SV2C: variants seen among roughly 807,000 people sequenced by gnomAD.
SV2C encodes solute carrier family 22 member B3.
Under a neutral mutation model 79.7 loss-of-function variants are expected in SV2C, and 49 were observed. The ratio of observed to expected loss-of-function variants is 0.61; its 90% confidence interval spans 0.49 to 0.78. The LOEUF (loss-of-function observed/expected upper bound fraction) is 0.78. SV2C is among the 30% of genes least tolerant of loss of function. The probability of loss-of-function intolerance (pLI) is 0.00; values close to 1 mark genes in which losing one functional copy is unlikely to be tolerated. For missense variants in SV2C, 833 were observed against 912.9 expected, an observed-to-expected ratio of 0.91 and a Z score of 1.13; for synonymous variants, 334 against 333.2, an observed-to-expected ratio of 1.00 and a Z score of -0.03.
At chr5:76,060,507 C>G in the SV2C span, among the ~76,000 whole-genome samples, 1 of 152,088 alleles carries the variant, frequency 6.6e-6, no homozygotes, top group Non-Finnish European at 1.5e-5. Flanking sequence ...CCTCTTGAAC[C>G]AACAACCTCT....
chr5:76,012,322 C>A, the SV2C span, among the ~76,000 whole-genome samples: 1 of 152,186 alleles, frequency 6.6e-6, no homozygotes, highest in Non-Finnish European at 1.5e-5. Flanking sequence ...GAGATGGTAT[C>A]TCATGGTGGT....
the SV2C span, among the ~76,000 whole-genome samples, chr5:76,065,902 C>T: frequency 3.9e-5 from 6 of 152,130 alleles, no homozygotes; most frequent in East Asian, 1.9e-4. Flanking sequence ...GGATAGACTC[C>T]GGAAGGGGGA....
At chr5:75,860,618 G>A in the SV2C span, among the ~76,000 whole-genome samples, 1 of 152,130 alleles carries the variant, frequency 6.6e-6, no homozygotes, top group Non-Finnish European at 1.5e-5. Flanking sequence ...CCATAAAAGA[G>A]CCTAAATAAC....
At chr5:76,019,149 T>C in the SV2C span, among the ~76,000 whole-genome samples, 1 of 152,114 alleles carries the variant, frequency 6.6e-6, no homozygotes, top group Non-Finnish European at 1.5e-5. Context: ...GTTCACTGTT[T>C]CAGCTGTAGT....
intron 2 of SV2C, among the ~76,000 whole-genome samples, chr5:76,169,651 A>G (rs1251553738): frequency 3.3e-5 from 5 of 152,250 alleles, no homozygotes; most frequent in Non-Finnish European, 5.9e-5. Flanking sequence ...GGCATTCATA[A>G]TGCCCTTAAC....
At chr5:76,339,790 G>T (rs1262130146) in intron 12 of SV2C, among the ~76,000 whole-genome samples, 1 of 152,080 alleles carries the variant, frequency 6.6e-6, no homozygotes, top group Non-Finnish European at 1.5e-5. Context: ...GAAGACACAG[G>T]CCACATTCAG....
chr5:75,885,332 A>G, the SV2C span, among the ~76,000 whole-genome samples: 1 of 152,160 alleles, frequency 6.6e-6, no homozygotes, highest in South Asian at 2.1e-4. Flanking sequence ...AAAGAGGTGT[A>G]GGAAATAGAG....
At chr5:76,022,744 A>G in the SV2C span, among the ~76,000 whole-genome samples, 122 of 152,366 alleles carry the variant, frequency 8.0e-4, no homozygotes, top group Non-Finnish European at 1.5e-3. Flanking sequence ...CATATAAAAT[A>G]ATGCATTAAT....
the SV2C span, among the ~76,000 whole-genome samples, chr5:75,933,336 T>C: frequency 1.3e-5 from 2 of 152,248 alleles, no homozygotes; most frequent in Non-Finnish European, 2.9e-5. Flanking sequence ...CTTCCTCTAC[T>C]GGACAGCAAA....
At chr5:76,163,134 C>T (rs911882691) in intron 2 of SV2C, among the ~76,000 whole-genome samples, 1 of 152,176 alleles carries the variant, frequency 6.6e-6, no homozygotes, top group Non-Finnish European at 1.5e-5. Flanking sequence ...CTCCATTAGC[C>T]CCACAGTTCC....
intron 2 of SV2C, among the ~76,000 whole-genome samples, chr5:76,150,626 CTTTTTTTTTTTT>C (rs57910684): frequency 8.9e-5 from 5 of 56,494 alleles, no homozygotes; most frequent in East Asian, 6.5e-4. Context: ...TCATCAAATT[CTTTTTTTTTTTT>C]TTTTTTTTTT....
the SV2C span, among the ~76,000 whole-genome samples, chr5:76,011,760 A>G: frequency 6.6e-6 from 1 of 151,862 alleles, no homozygotes. Flanking sequence ...TCCCTGTCCT[A>G]GCACCCCACC....
intron 3 of SV2C, 86 bp from the exon 4 acceptor site, chr5:76,209,650 G>A (rs1744707334): frequency 7.4e-7 from 1 of 1,345,530 alleles, no homozygotes; most frequent in Admixed American, 2.2e-5. Flanking sequence ...AGCATGTGTT[G>A]TTAGAGTTTG....
the SV2C span, among the ~76,000 whole-genome samples, chr5:76,017,561 G>T: frequency 6.6e-6 from 1 of 152,176 alleles, no homozygotes; most frequent in South Asian, 2.1e-4. Flanking sequence ...TTACAGGTGT[G>T]AGCCACTGAG....
chr5:75,910,727 G>A, the SV2C span: 2 of 1,369,440 alleles, frequency 1.5e-6, no homozygotes, highest in Non-Finnish European at 2.1e-6. Flanking sequence ...GACTATGTTT[G>A]AAGATCTGAA....
At chr5:75,985,130 G>C in the SV2C span, among the ~76,000 whole-genome samples, 1 of 151,846 alleles carries the variant, frequency 6.6e-6, no homozygotes, top group Non-Finnish European at 1.5e-5. Flanking sequence ...AAGCAGAAGA[G>C]GAGCAGCTAT....
chr5:76,104,646 C>A (rs2112125702), intron 1 of SV2C, among the ~76,000 whole-genome samples: 1 of 152,304 alleles, frequency 6.6e-6, no homozygotes, highest in Admixed American at 6.5e-5. Context: ...TATTAACATA[C>A]TCTCTAGCTC....
the SV2C span, among the ~76,000 whole-genome samples, chr5:75,970,583 A>G: frequency 6.6e-6 from 1 of 152,172 alleles, no homozygotes; most frequent in Non-Finnish European, 1.5e-5. Context: ...GAAGAAATGG[A>G]TAAATTCCTC....
chr5:76,237,476 A>C (rs1166241069), intron 4 of SV2C, among the ~76,000 whole-genome samples: 1 of 152,130 alleles, frequency 6.6e-6, no homozygotes, highest in Non-Finnish European at 1.5e-5. Flanking sequence ...GGTCTGCTGC[A>C]TATCTGTCAT....
Sources: allele counts gnomAD v4.1 joint callset (sites outside exome capture counted in the v4.1 genomes callset), GRCh38; gene constraint gnomAD v4.1.1; transcripts MANE v1.5; gene names NCBI Gene and HGNC (gene_info 2026-07-23, HGNC 2026-07-21).